The following PRKCH variants were observed in gnomAD, a reference collection of about 807,000 sequenced individuals.
The protein encoded by PRKCH is protein kinase C eta, also known as protein kinase C eta type.
A neutral mutation model predicts 82.5 loss-of-function variants in PRKCH; 28 were observed. That is an observed-to-expected ratio of 0.34 (90% CI 0.25 to 0.47). The LOEUF is 0.47. Among genes scored for constraint, PRKCH ranks in the 20% least tolerant of loss-of-function variants. The pLI, the probability that PRKCH is intolerant of heterozygous loss-of-function variation, is 1.00. For synonymous variants in PRKCH, 322 were observed against 327.4 expected, an observed-to-expected ratio of 0.98 and a Z score of 0.18; for missense variants, 705 against 881.8, an observed-to-expected ratio of 0.80 and a Z score of 2.54.
chr14:61,496,635 T>C (rs1434042100), intron 10 of PRKCH, among the ~76,000 whole-genome samples: 4 of 151,130 alleles, frequency 2.6e-5, no homozygotes, highest in South Asian at 2.1e-4. Flanking sequence ...GTGCTTTCCA[T>C]AGGCTGTGCC....
At chr14:61,399,898 A>T (rs1005556732) in intron 2 of PRKCH, among the ~76,000 whole-genome samples, 4 of 152,200 alleles carry the variant, frequency 2.6e-5, no homozygotes, top group African/African-American at 9.6e-5. Context: ...TTGTTTAGAA[A>T]AAAAAGGCCT....
intron 1 of PRKCH, among the ~76,000 whole-genome samples, chr14:61,352,911 A>G (rs991393260): frequency 2.6e-5 from 4 of 152,234 alleles, no homozygotes; most frequent in African/African-American, 9.6e-5. Context: ...TCAGTTTTAC[A>G]TAGGACAATG....
chr14:61,456,969 C>G (rs1393400956), intron 7 of PRKCH: 10 of 540,082 alleles, frequency 1.9e-5, no homozygotes, highest in Non-Finnish European at 3.3e-5. Context: ...TTTAATTGAC[C>G]TTTTACACAA....
intron 4 of PRKCH, 45 bp downstream of exon 4, chr14:61,445,771 T>C (rs1026905273): frequency 1.8e-5 from 28 of 1,544,132 alleles, no homozygotes; most frequent in Non-Finnish European, 2.4e-5. Context: ...GTTCCTATGT[T>C]AAAAGAAATG....
intron 10 of PRKCH, among the ~76,000 whole-genome samples, chr14:61,506,178 G>A (rs1295913223): frequency 6.6e-6 from 1 of 152,144 alleles, no homozygotes; most frequent in African/African-American, 2.4e-5. Flanking sequence ...CTTCACTTTG[G>A]AAACATTGAG....
intron 1 of PRKCH, among the ~76,000 whole-genome samples, chr14:61,232,974 A>G (rs1036406014): frequency 6.6e-6 from 1 of 152,178 alleles, no homozygotes; most frequent in African/African-American, 2.4e-5. Context: ...GACCAAATAT[A>G]TATTTCATAG....
intron 1 of PRKCH, among the ~76,000 whole-genome samples, chr14:61,354,243 C>A (rs1353045917): frequency 6.6e-6 from 1 of 152,088 alleles, no homozygotes. Context: ...CTATATTATT[C>A]TTAATTTTCA....
intron 1 of PRKCH, among the ~76,000 whole-genome samples, chr14:61,205,439 G>C (rs887262407): frequency 5.9e-5 from 9 of 152,176 alleles, no homozygotes; most frequent in African/African-American, 2.2e-4. Context: ...GAGCAACCAG[G>C]GACTAGCAAC....
In PRKCH at chr14:61,530,508, C is replaced by T. The variant is rs1088680; in HGVS notation, c.1674C>T (p.Asn558=). 0.83 allele frequency: 1,329,997 copies of T among 1,611,584 alleles called. 558,056 individuals carry two copies. Among genetic ancestry groups the T allele is most frequent in the Middle Eastern group, 0.88 (5,322 of 6,056 alleles). The change falls in exon 12 of 14, where the codon AAC becomes AAT. Residue 558 remains asparagine (N), a synonymous_variant. Transcript: ENST00000332981. ...LCGHAPFEAE[N]EDDLFEAILN... is the part of the protein sequence containing the mutation. Reference sequence around the variant, plus strand: ...GTCACGCGCCTTTTGAGGCAGAGAACGAAGATGACCTCTTTGAGGCCATAC... The same window carrying T: ...GTCACGCGCCTTTTGAGGCAGAGAATGAAGATGACCTCTTTGAGGCCATAC...
intron 1 of PRKCH, among the ~76,000 whole-genome samples, chr14:61,267,380 T>C (rs755778920): frequency 6.6e-5 from 10 of 152,216 alleles, no homozygotes; most frequent in Non-Finnish European, 1.5e-4. Context: ...AAAGACTCTT[T>C]AATATTCTCA....
chr14:61,392,065 A>G (rs943924418), intron 2 of PRKCH, among the ~76,000 whole-genome samples: 2 of 152,080 alleles, frequency 1.3e-5, no homozygotes, highest in Non-Finnish European at 2.9e-5. Context: ...TAGAAGATTC[A>G]TATCATTGTG....
At position 61,412,234 on chromosome 14, in the gene PRKCH, G is replaced by A. The variant is rs139885791; in HGVS notation, c.427+20946G>A. Among the ~76,000 whole-genome samples the A allele has an allele frequency of 7.2e-5, 11 of 152,182 alleles. No homozygotes were observed. In the South Asian group the frequency reaches 1.0e-3, roughly 14 times the overall value. On this transcript the variant is annotated intron_variant, in intron 2 of 13. Coordinates refer to ENST00000332981, the MANE Select transcript of PRKCH (RefSeq NM_006255.5). ...CAATCAAAACTGACCCAGAATTAAC[G>A]CAGATGTTACAATTAGCAGATAAGG...
chr14:61,353,508 C>A (rs8011378), intron 1 of PRKCH: 1 of 152,008 alleles, frequency 6.6e-6, no homozygotes, highest in African/African-American at 2.4e-5. Flanking sequence ...TTGGGAAAAA[C>A]GAAAAGGAAT....
At chr14:61,323,426 G>A (rs753088324) in intron 1 of PRKCH, among the ~76,000 whole-genome samples, 1 of 152,162 alleles carries the variant, frequency 6.6e-6, no homozygotes, top group Non-Finnish European at 1.5e-5. Context: ...AAGTAGTCTG[G>A]TTTGGCAAAG....
At chr14:61,441,450 C>A (rs1190952930) in intron 2 of PRKCH, among the ~76,000 whole-genome samples, 1 of 152,160 alleles carries the variant, frequency 6.6e-6, no homozygotes, top group Non-Finnish European at 1.5e-5. Context: ...GACACTTTAG[C>A]AATCCTTTTA....
At chr14:61,347,598 C>T (rs889263570) in intron 1 of PRKCH, among the ~76,000 whole-genome samples, 1 of 152,174 alleles carries the variant, frequency 6.6e-6, no homozygotes, top group East Asian at 1.9e-4. Flanking sequence ...AGTAGTGGCC[C>T]GTATTAAGTA....
intron 1 of PRKCH, among the ~76,000 whole-genome samples, chr14:61,260,639 G>A (rs2045037438): frequency 6.6e-6 from 1 of 152,080 alleles, no homozygotes; most frequent in Admixed American, 6.6e-5. Flanking sequence ...TAATCTGTAA[G>A]AACAAAAGGA....
rs370849827 is a variant in PRKCH, at chr14:61,497,108, G to A, written c.1433+11452G>A. On this transcript the variant is annotated intron_variant, in intron 10 of 13. Coordinates refer to ENST00000332981, the MANE Select transcript of PRKCH (RefSeq NM_006255.5). ...TACATATTTATTTGGATCTGACTTCGATTCTTTCCTTAGAACAGATTCCTG... is the reference window on the plus strand; with the variant it reads ...TACATATTTATTTGGATCTGACTTCAATTCTTTCCTTAGAACAGATTCCTG... 3.1e-4 allele frequency among the ~76,000 whole-genome samples: 47 copies of A among 152,268 alleles called. No homozygotes were observed. The South Asian group carries it at 8.5e-3, about 28-fold the overall frequency.
At chr14:61,460,639 G>A (rs1016509722) in intron 9 of PRKCH, among the ~76,000 whole-genome samples, 2 of 152,162 alleles carry the variant, frequency 1.3e-5, no homozygotes, top group Non-Finnish European at 2.9e-5. Context: ...GTTCCTAAGT[G>A]GCAGAGAGCG....
Sources: allele counts gnomAD v4.1 joint callset (sites outside exome capture counted in the v4.1 genomes callset), GRCh38; gene constraint gnomAD v4.1.1; transcripts MANE v1.5; gene names NCBI Gene and HGNC (gene_info 2026-07-23, HGNC 2026-07-21).